The following VWCE variants were observed in gnomAD, a reference collection of about 807,000 sequenced individuals.
VWCE encodes von Willebrand factor C and EGF domain-containing protein.
A neutral mutation model predicts 102.9 loss-of-function variants in VWCE; 68 were observed. The observed-to-expected ratio is 0.66, with a 90% CI of 0.54 to 0.81. The LOEUF (loss-of-function observed/expected upper bound fraction) is 0.81, where lower values mean the gene tolerates loss of function less well. Ranked by LOEUF, VWCE falls within the 30% of genes least tolerant of loss-of-function variation. VWCE has a pLI of 0.00. For synonymous variants in VWCE, 497 were observed against 515.4 expected (o/e 0.96, Z 0.48); for missense variants, 1,137 against 1,263.6 (o/e 0.90, Z 1.52).
Position 61,274,725 on chromosome 11 carries a change from C to T in VWCE, c.1496-141G>A, listed in dbSNP as rs1055966200. 3 of 605,760 alleles carry T rather than the reference C, an allele frequency of 5.0e-6. No individual in the cohort carries two copies. The African/African-American group carries it at 5.7e-5, about 12-fold the overall frequency. 37.5% of individuals were successfully genotyped at this position (605,760 alleles called of 1,614,324 possible). A position where few individuals can be genotyped will look rare whatever the true frequency, so the allele number is the denominator to read the frequency against. ...ACAGCATGCTCCGTGCCCAGGAACCCAAAGCACTTCTCCCCCTCCAAACCC... is the reference window on the plus strand; with the variant it reads ...ACAGCATGCTCCGTGCCCAGGAACCTAAAGCACTTCTCCCCCTCCAAACCC... On this transcript the variant is annotated intron_variant, in intron 11 of 19. Coordinates refer to ENST00000335613, the MANE Select transcript of VWCE (RefSeq NM_152718.2).
intron 13 of VWCE, among the ~76,000 whole-genome samples, chr11:61,272,202 C>T (rs919963677): frequency 6.6e-6 from 1 of 151,854 alleles, no homozygotes; most frequent in Non-Finnish European, 1.5e-5. Flanking sequence ...CACAGACACA[C>T]ACATACTCAT....
rs1360510036 is a variant in VWCE, at chr11:61,287,014, G to T, written c.425-584C>A. ...TGGGAGGCTGAGGCAGGAGAATGGC[G>T]TAAACCTGGGAGGCGGAGCTTGCAG... On this transcript the variant is annotated intron_variant, in intron 4 of 19. Transcript: ENST00000335613. 5.3e-5 allele frequency among the ~76,000 whole-genome samples: 8 copies of T among 149,748 alleles called. No homozygotes were observed. In the South Asian group the frequency reaches 1.5e-3, roughly 28 times the overall value.
chr11:61,271,827 T>C (rs1854715183), intron 13 of VWCE, 67 bp from the exon 14 acceptor site: 5 of 1,415,500 alleles, frequency 3.5e-6, no homozygotes, highest in Non-Finnish European at 4.9e-6. Context: ...CAAGGACAGA[T>C]GCCTCATGCG....
chr11:61,287,728 T>C (rs1590655994), intron 4 of VWCE, among the ~76,000 whole-genome samples: 1 of 152,168 alleles, frequency 6.6e-6, no homozygotes, highest in Admixed American at 6.5e-5. Flanking sequence ...GGAGAAGGAC[T>C]GCCCAGGTGG....
At chr11:61,271,603 G>A in intron 14 of VWCE, 72 bp downstream of exon 14, 1 of 1,457,574 alleles carries the variant, frequency 6.9e-7, no homozygotes, top group Non-Finnish European at 9.4e-7. Flanking sequence ...GGAGGGGCCA[G>A]GACGCTTGTC....
At chr11:61,288,396 G>A (rs377155980) in intron 4 of VWCE, among the ~76,000 whole-genome samples, 2 of 151,860 alleles carry the variant, frequency 1.3e-5, no homozygotes, top group Non-Finnish European at 2.9e-5. Flanking sequence ...AGTGAGCCTC[G>A]CCACTGTGGC....
At position 61,271,662 on chromosome 11, in the gene VWCE, G is replaced by A. The variant is rs770078692; in HGVS notation, c.1785+13C>T. On this transcript the variant is annotated intron_variant, in intron 14 of 19. Transcript: ENST00000335613. ...CAGGTAAAGCAGCTGAAGGCGAGCA[G>A]GTTGTCATTCACCTGGCAGATGCAT... The A allele has an allele frequency of 1.9e-6, 3 of 1,607,850 alleles. No individual in the cohort carries two copies. Among genetic ancestry groups the A allele is most frequent in the Non-Finnish European group, 2.5e-6 (3 of 1,177,110 alleles).
At chr11:61,268,585 C>A (rs1854580222) in intron 15 of VWCE, among the ~76,000 whole-genome samples, 1 of 152,136 alleles carries the variant, frequency 6.6e-6, no homozygotes, top group Non-Finnish European at 1.5e-5. Context: ...TATAATAAAA[C>A]ATTACTTCTG....
At chr11:61,290,657 T>A in intron 4 of VWCE, 142 bp downstream of exon 4, 1 of 921,516 alleles carries the variant, frequency 1.1e-6, no homozygotes, top group Non-Finnish European at 1.6e-6. Context: ...TTCTCATGTC[T>A]CTCTGCCCAC....
At chr11:61,264,805 A>G in intron 18 of VWCE, 151 bp downstream of exon 18, 2 of 987,172 alleles carry the variant, frequency 2.0e-6, no homozygotes, top group Non-Finnish European at 3.0e-6. Context: ...GAGATGGTCA[A>G]AACCAAAGAT....
intron 13 of VWCE, among the ~76,000 whole-genome samples, chr11:61,272,406 C>T (rs2134770574): frequency 6.6e-6 from 1 of 152,022 alleles, no homozygotes; most frequent in African/African-American, 2.4e-5. Flanking sequence ...CATGCATGCT[C>T]ACACAGGCAC....
chr11:61,295,178 G>C lies in VWCE; in HGVS notation c.-141C>G. 4.3e-6 allele frequency: 2 copies of C among 466,736 alleles called. No homozygotes were observed. The highest frequency in any genetic ancestry group is 3.5e-6 in the Non-Finnish European group (1 of 289,664). The allele number at this position is 466,736 out of a possible 1,614,324, so 28.9% of individuals were successfully genotyped here. A position where few individuals can be genotyped will look rare whatever the true frequency, so the allele number is the denominator to read the frequency against. On this transcript the variant is annotated 5_prime_UTR_variant, in exon 1 of 20. Coordinates refer to ENST00000335613, the MANE Select transcript of VWCE (RefSeq NM_152718.2). The surrounding 1 kb of genome is among the most constrained non-coding windows in gnomAD (Gnocchi z 4.6). Reference sequence around the variant, plus strand: ...CGAAATGGCACGCAGAGCTGAGCAGGGGGGCTTGGGACGCCGAGAGGAGGG... The same window carrying C: ...CGAAATGGCACGCAGAGCTGAGCAGCGGGGCTTGGGACGCCGAGAGGAGGG...
Position 61,281,143 on chromosome 11 carries a change from G to A in VWCE, c.880C>T (p.Pro294Ser), listed in dbSNP as rs1565226452. 1 of 1,613,738 alleles carries A rather than the reference G, an allele frequency of 6.2e-7. No homozygotes were observed. The highest frequency in any genetic ancestry group is 8.5e-7 in the Non-Finnish European group (1 of 1,179,964). Reference sequence around the variant, plus strand: ...GGGCTATGTCCTGGGGACAGGGCAGGCCGGCCGGCCTCAGGAAGCAACAGA... The same window carrying A: ...GGGCTATGTCCTGGGGACAGGGCAGACCGGCCGGCCTCAGGAAGCAACAGA... Reference protein sequence around the residue: ...MLLLLPEAGRPALSPGHSPPS... With the variant: ...MLLLLPEAGRSALSPGHSPPS... Residue 294 changes from proline to serine, a missense_variant, in exon 8 of 20, where the codon CCT becomes TCT. Pro to Ser is a moderately conservative substitution (Grantham distance 74). Coordinates refer to ENST00000335613, the MANE Select transcript of VWCE (RefSeq NM_152718.2).
chr11:61,272,821 C>A (rs1854764393), intron 13 of VWCE, among the ~76,000 whole-genome samples: 1 of 151,122 alleles, frequency 6.6e-6, no homozygotes, highest in Non-Finnish European at 1.5e-5. Context: ...ACACAACAGA[C>A]ACAAAGATGC....
Position 61,264,539 on chromosome 11 carries a change from C to A in VWCE, c.2178G>T (p.Arg726=). Residue 726 remains arginine, a synonymous_variant, in exon 19 of 20, where the codon CGG becomes CGT. Coordinates refer to ENST00000335613, the MANE Select transcript of VWCE (RefSeq NM_152718.2). ...GAAGCAGGGCAGGGTCGGCACAGGC[C>A]CGCTGGCAGGGAACCTTCTCACAGC... ...EVSCEKVPCQ[R]ACADPALLPG... is the part of the protein sequence containing the mutation. 6.2e-7 allele frequency: 1 copy of A among 1,612,966 alleles called. No individual in the cohort carries two copies. The highest frequency in any genetic ancestry group is 2.2e-5 in the East Asian group (1 of 44,874).
chr11:61,259,543 G>A (rs906083381), intron 19 of VWCE, among the ~76,000 whole-genome samples: 4 of 152,162 alleles, frequency 2.6e-5, no homozygotes, highest in Non-Finnish European at 5.9e-5. Context: ...AACTCTCCTG[G>A]GCCTCTGTTT....
chr11:61,276,567 CA>C, intron 11 of VWCE, 25 bp downstream of exon 11: 1 of 1,341,202 alleles, frequency 7.5e-7, no homozygotes, highest in Non-Finnish European at 9.7e-7. Context: ...AAAAAAAAAG[CA>C]AAATGCTCCA....
rs561610392 is a variant in VWCE, at chr11:61,267,540, G to A, written c.1887C>T (p.Cys629=). The A allele has an allele frequency of 6.2e-7, 1 of 1,614,070 alleles. No individual in the cohort carries two copies. Among genetic ancestry groups the A allele is most frequent in the Admixed American group, 1.7e-5 (1 of 60,012 alleles). ...TATAGAAGATTCTGCCTGTGTAGGT[G>A]CAGCCTGCCAGAGAGAGCATGCGCT... is the stretch of plus-strand genomic sequence containing the variant. ...GQCCPDCSAG[C]TYTGRIFYNN... is the part of the protein sequence containing the mutation. Residue 629 remains cysteine (C), a synonymous_variant, in exon 16 of 20, where the codon TGC becomes TGT. Transcript: ENST00000335613.
intron 1 of VWCE, among the ~76,000 whole-genome samples, chr11:61,292,379 T>A (rs936631811): frequency 6.6e-6 from 1 of 152,230 alleles, no homozygotes; most frequent in Non-Finnish European, 1.5e-5. Context: ...ATTTACTTCC[T>A]GTGACATTAG....
Sources: gnomAD v4.1 joint callset for allele counts (sites outside exome capture counted in the v4.1 genomes callset) on GRCh38, gnomAD v4.1.1 for gene constraint, Gnocchi (gnomAD v3.1) non-coding constraint, MANE v1.5 for transcripts, NCBI Gene and HGNC (gene_info 2026-07-23, HGNC 2026-07-21) for gene names.